The following RYR3 variants were observed in gnomAD, a reference collection of about 807,000 sequenced individuals.
RYR3 encodes the protein ryanodine receptor 3.
In RYR3, 207 loss-of-function variants were observed where a neutral mutation model predicts 584.3. The ratio of observed to expected loss-of-function variants is 0.35; its 90% confidence interval spans 0.32 to 0.40. The LOEUF is 0.40. Ranked by LOEUF, RYR3 falls within the 10% of genes least tolerant of loss-of-function variation. The pLI, the probability that RYR3 is intolerant of heterozygous loss-of-function variation, is 1.00. For synonymous variants in RYR3, 2,416 were observed against 2,248.5 expected (o/e 1.07, Z -2.11); for missense variants, 5,616 against 6,089.2 (o/e 0.92, Z 2.59).
Position 33,584,862 on chromosome 15 carries a change from A to G in RYR3, c.1669+372A>G, listed in dbSNP as rs912056979. Among the ~76,000 whole-genome samples, 8 of 150,232 alleles carry G rather than the reference A, an allele frequency of 5.3e-5. 1 individual carries two copies. Among genetic ancestry groups the G allele is most frequent in the African/African-American group, 9.8e-5 (4 of 40,742 alleles). ...TCTCTGGGTTTTTAAACCCTTTTCA[A>G]TGGTGCCCAAACTATTTCTTACGGT... On this transcript the variant is annotated intron_variant, in intron 15 of 103. Transcript: ENST00000634891.
At chr15:33,691,987 A>C (rs181220393) in intron 38 of RYR3, among the ~76,000 whole-genome samples, 104 of 152,368 alleles carry the variant, frequency 6.8e-4, no homozygotes, top group African/African-American at 2.3e-3. Flanking sequence ...CTTAAAGGGT[A>C]TCTAAAGGGT....
intron 1 of RYR3, among the ~76,000 whole-genome samples, chr15:33,400,253 C>T (rs186487821): frequency 2.6e-5 from 4 of 152,120 alleles, no homozygotes; most frequent in African/African-American, 4.8e-5. Flanking sequence ...TTTATACTAC[C>T]GTTTTGGCAT....
At chr15:33,357,004 G>T (rs908723164) in intron 1 of RYR3, among the ~76,000 whole-genome samples, 1 of 152,128 alleles carries the variant, frequency 6.6e-6, no homozygotes, top group Non-Finnish European at 1.5e-5. Context: ...TCTTGGAAGG[G>T]TCTTTAGGAA....
chr15:33,799,222 C>T (rs757305258), intron 67 of RYR3, among the ~76,000 whole-genome samples: 4 of 152,056 alleles, frequency 2.6e-5, no homozygotes, highest in Non-Finnish European at 5.9e-5. Context: ...CATAATAAGC[C>T]CCTTTCAACC....
Position 33,618,404 on chromosome 15 carries a change from G to T in RYR3, c.2357+5029G>T, listed in dbSNP as rs143857189. On this transcript the variant is annotated intron_variant, in intron 19 of 103. Transcript: ENST00000634891. ...CTATTTCCAGCTTGCTGTGGTCAAT[G>T]CTGTGGAAATTATTGCTGAGATAAA... Among the ~76,000 whole-genome samples, 309 of 152,284 alleles carry T rather than the reference G, an allele frequency of 2.0e-3. 3 individuals carry two copies. The highest frequency in any genetic ancestry group is 7.1e-3 in the African/African-American group (297 of 41,542).
At chr15:33,727,021 C>T (rs1868831088) in intron 46 of RYR3, among the ~76,000 whole-genome samples, 1 of 152,216 alleles carries the variant, frequency 6.6e-6, no homozygotes, top group South Asian at 2.1e-4. Flanking sequence ...TATGAGCATG[C>T]CAACCCTCTG....
chr15:33,477,699 C>T (rs914218896), intron 2 of RYR3, among the ~76,000 whole-genome samples: 6 of 150,384 alleles, frequency 4.0e-5, no homozygotes, highest in Non-Finnish European at 5.9e-5. Context: ...CACGGTGAAA[C>T]CCCATCTCTA....
chr15:33,436,412 C>T (rs532555389), intron 1 of RYR3, among the ~76,000 whole-genome samples: 1 of 152,062 alleles, frequency 6.6e-6, no homozygotes, highest in East Asian at 1.9e-4. Context: ...TTGGACATTA[C>T]AACTGTCAAC....
intron 30 of RYR3, 55 bp downstream of exon 30, chr15:33,647,515 G>A: frequency 7.8e-7 from 1 of 1,279,298 alleles, no homozygotes. Context: ...GTTGTGCCTG[G>A]TAATATGCCC....
intron 8 of RYR3, among the ~76,000 whole-genome samples, chr15:33,544,007 T>C (rs1339589733): frequency 6.6e-6 from 1 of 152,154 alleles, no homozygotes; most frequent in Admixed American, 6.5e-5. Context: ...CAAAGACAGA[T>C]CATCTCTATT....
chr15:33,326,930 G>T (rs1320574824), intron 1 of RYR3, among the ~76,000 whole-genome samples: 1 of 151,422 alleles, frequency 6.6e-6, no homozygotes. Flanking sequence ...TCAACTTATT[G>T]TTATATGTCT....
chr15:33,844,866 C>G lies in RYR3; in HGVS notation c.13301C>G (p.Thr4434Ser). The part of the protein sequence containing the change: ...INFILLFYKV[T>S]EEPLEEETED... ...CGAGTGTGTATTTTGAGCCAGGTCACTGAAGAACCTTTAGAAGAAGAGACA... is the reference window on the plus strand; with the variant it reads ...CGAGTGTGTATTTTGAGCCAGGTCAGTGAAGAACCTTTAGAAGAAGAGACA... Residue 4434 changes from threonine (T) to serine (S), a missense_variant, in exon 93 of 104, where the codon ACT (threonine) becomes AGT (serine). Around this residue, in one of 9 missense-constraint regions of RYR3, gnomAD observed 918 missense variants for 887.4 expected, o/e 1.03. Coordinates refer to ENST00000634891, the MANE Select transcript of RYR3 (RefSeq NM_001036.6). The G allele has an allele frequency of 6.2e-7, 1 of 1,611,700 alleles. No individual in the cohort carries two copies. Among genetic ancestry groups the G allele is most frequent in the Non-Finnish European group, 8.5e-7 (1 of 1,178,462 alleles).
chr15:33,849,462 A>G (rs1319745213), intron 94 of RYR3: 1 of 152,230 alleles, frequency 6.6e-6, no homozygotes, highest in Non-Finnish European at 1.5e-5. Flanking sequence ...TGTATGTGTC[A>G]AATGCTTGGC....
chr15:33,671,593 G>T (rs1424309521), intron 38 of RYR3, among the ~76,000 whole-genome samples: 1 of 152,102 alleles, frequency 6.6e-6, no homozygotes, highest in African/African-American at 2.4e-5. Context: ...GGCAACCCTT[G>T]ATAGGGTAGT....
rs535487035 is a variant in RYR3 at position 33,458,417 on chromosome 15, T to C, written c.52-15002T>C. On this transcript the variant is annotated intron_variant, in intron 1 of 103. Coordinates refer to ENST00000634891, the MANE Select transcript of RYR3 (RefSeq NM_001036.6). ...GAACTTTGAACTCCAGGACTACTTA[T>C]GTCACCAGCTTTCCTGGTTCTCAGC... 4.7e-4 allele frequency among the ~76,000 whole-genome samples: 72 copies of C among 152,350 alleles called. No homozygotes were observed. The Middle Eastern group carries it at 0.02, about 43-fold the overall frequency.
chr15:33,749,051 T>C (rs892384595), intron 55 of RYR3, among the ~76,000 whole-genome samples: 1 of 152,164 alleles, frequency 6.6e-6, no homozygotes, highest in African/African-American at 2.4e-5. Flanking sequence ...CACATTTTTT[T>C]CCAAATATTT....
intron 94 of RYR3, chr15:33,851,216 C>G (rs2079087768): frequency 6.6e-6 from 1 of 152,216 alleles, no homozygotes; most frequent in Non-Finnish European, 1.5e-5. Flanking sequence ...ATTCTTATAC[C>G]TGATACACAA....
chr15:33,696,010 G>A (rs2065834746), intron 38 of RYR3, among the ~76,000 whole-genome samples: 1 of 142,046 alleles, frequency 7.0e-6, no homozygotes, highest in African/African-American at 2.6e-5. Flanking sequence ...GCCCAGGCTG[G>A]TCTCAAACTG....
At chr15:33,501,073 C>G (rs761857426) in intron 2 of RYR3, among the ~76,000 whole-genome samples, 1 of 152,134 alleles carries the variant, frequency 6.6e-6, no homozygotes, top group Non-Finnish European at 1.5e-5. Context: ...CCAGGAAACT[C>G]TGTAAACTAG....
Sources: allele counts gnomAD v4.1 joint callset (sites outside exome capture counted in the v4.1 genomes callset), GRCh38; gene constraint gnomAD v4.1.1; regional missense constraint gnomAD v4.1.1; transcripts MANE v1.5; gene names NCBI Gene and HGNC (gene_info 2026-07-23, HGNC 2026-07-21).